Variants in PLBD1 observed in about 807,000 individuals in gnomAD.
PLBD1 encodes lysosomal leucine aminopeptidase.
In PLBD1, 60 loss-of-function variants were observed where a neutral mutation model predicts 63.0. The ratio of observed to expected loss-of-function variants is 0.95; its 90% CI spans 0.77 to 1.18. PLBD1 has a LOEUF of 1.18. Among genes scored for constraint, PLBD1 ranks in the 50% most tolerant of loss-of-function variants. The pLI is 0.00. For missense variants in PLBD1, 598 were observed against 677.9 expected, an observed-to-expected ratio of 0.88 and a Z score of 1.31; for synonymous variants, 262 against 248.0, an observed-to-expected ratio of 1.06 and a Z score of -0.53.
intron 1 of PLBD1, among the ~76,000 whole-genome samples, chr12:14,557,498 A>G (rs1945714981): frequency 6.6e-6 from 1 of 152,104 alleles, no homozygotes; most frequent in African/African-American, 2.4e-5. Flanking sequence ...GGATAAAATA[A>G]TGTGCTTTGC....
intron 2 of PLBD1, among the ~76,000 whole-genome samples, chr12:14,543,873 C>G (rs568694456): frequency 6.6e-6 from 1 of 152,068 alleles, no homozygotes; most frequent in Non-Finnish European, 1.5e-5. Context: ...GTTTAATAGA[C>G]GTCTTTGGGT....
chr12:14,522,541 G>C (rs1418083589), intron 6 of PLBD1, among the ~76,000 whole-genome samples: 1 of 151,972 alleles, frequency 6.6e-6, no homozygotes, highest in Non-Finnish European at 1.5e-5. Flanking sequence ...TCCAAAACCT[G>C]ATAAGGACAC....
At chr12:14,550,822 G>A (rs1249787193) in intron 2 of PLBD1, among the ~76,000 whole-genome samples, 2 of 150,842 alleles carry the variant, frequency 1.3e-5, no homozygotes, top group Admixed American at 1.3e-4. Context: ...AGGTTGCAGT[G>A]AACCGAGATC....
At chr12:14,560,534 G>C (rs1395083639) in intron 1 of PLBD1, among the ~76,000 whole-genome samples, 1 of 152,184 alleles carries the variant, frequency 6.6e-6, no homozygotes, top group Non-Finnish European at 1.5e-5. Context: ...TGCTCGGCTA[G>C]TCTCTCAGTA....
intron 6 of PLBD1, among the ~76,000 whole-genome samples, chr12:14,535,292 C>T (rs1418586250): frequency 2.0e-5 from 3 of 152,198 alleles, no homozygotes; most frequent in Non-Finnish European, 4.4e-5. Flanking sequence ...AGAAACACTA[C>T]ACGCCCTCAA....
In PLBD1 at chr12:14,562,435, G is replaced by A. The variant is rs375037756; in HGVS notation, c.115+5147C>T. Among the ~76,000 whole-genome samples the A allele has an allele frequency of 8.8e-5, 11 of 125,502 alleles. No individual in the cohort carries two copies. In the East Asian group the frequency reaches 2.7e-3, roughly 31 times the overall value. 82.3% of individuals were successfully genotyped at this position (125,502 alleles called of 152,430 possible). On this transcript the variant is annotated intron_variant, in intron 1 of 10. Coordinates refer to ENST00000240617, the MANE Select transcript of PLBD1 (RefSeq NM_024829.6). ...AGATTGCAGCACTGCGGTCCAGCCT[G>A]AGTGACAGAGTGAGACTCCCTCTCA...
chr12:14,540,106 T>TTTTTTATATATATATATATATATATA (rs71448876), intron 4 of PLBD1, among the ~76,000 whole-genome samples: 1 of 64,032 alleles, frequency 1.6e-5, no homozygotes, highest in Non-Finnish European at 2.8e-5. Flanking sequence ...AATATAAATA[T>TTTTTTATATATATATATATATATATA]TATTTATATA....
intron 2 of PLBD1, among the ~76,000 whole-genome samples, chr12:14,552,722 G>A (rs931884330): frequency 2.0e-5 from 3 of 152,214 alleles, no homozygotes; most frequent in Non-Finnish European, 2.9e-5. Flanking sequence ...GCAACATGGG[G>A]AGACCCTGTC....
intron 2 of PLBD1, among the ~76,000 whole-genome samples, chr12:14,544,348 A>G (rs1945599768): frequency 6.6e-6 from 1 of 152,006 alleles, no homozygotes; most frequent in African/African-American, 2.4e-5. Flanking sequence ...TAATTTTTGT[A>G]TTTTTAGTAG....
chr12:14,527,217 GTTTATGACCAGTTAT>G (rs1210364786), intron 6 of PLBD1, among the ~76,000 whole-genome samples: 2 of 151,696 alleles, frequency 1.3e-5, no homozygotes, highest in Non-Finnish European at 2.9e-5. Flanking sequence ...TTTTTTTTCA[GTTTATGACCAGTTAT>G]TTGTGAAGGA....
intron 2 of PLBD1, among the ~76,000 whole-genome samples, chr12:14,550,518 C>T (rs906595813): frequency 6.6e-6 from 1 of 152,094 alleles, no homozygotes; most frequent in African/African-American, 2.4e-5. Flanking sequence ...AATAGTATAG[C>T]GAGTGTCTTT....
chr12:14,548,457 CAAAAAAAAAAAAAAAA>C (rs56119793), intron 2 of PLBD1, among the ~76,000 whole-genome samples: 2 of 68,338 alleles, frequency 2.9e-5, no homozygotes, highest in Admixed American at 2.0e-4. Context: ...ACTCCATCTC[CAAAAAAAAAAAAAAAA>C]AAAAAAAAAG....
intron 6 of PLBD1, among the ~76,000 whole-genome samples, chr12:14,514,643 GATA>G (rs2076008842): frequency 6.6e-6 from 1 of 152,162 alleles, no homozygotes; most frequent in Admixed American, 6.5e-5. Flanking sequence ...TAGAGTTTAA[GATA>G]ATAAAGAAAA....
At chr12:14,558,049 CAAAAAAA>C (rs35613344) in intron 1 of PLBD1, among the ~76,000 whole-genome samples, 1 of 93,590 alleles carries the variant, frequency 1.1e-5, no homozygotes, top group Admixed American at 1.1e-4. Flanking sequence ...ACTACGTAGC[CAAAAAAA>C]AAAAAAAAAA....
chr12:14,540,106 T>TTTTATATA (rs71448876), intron 4 of PLBD1, among the ~76,000 whole-genome samples: 5,309 of 63,904 alleles, frequency 0.083, 802 homozygotes, highest in African/African-American at 0.14. Context: ...AATATAAATA[T>TTTTATATA]TATTTATATA....
At chr12:14,552,679 T>C (rs938667395) in intron 2 of PLBD1, among the ~76,000 whole-genome samples, 22 of 152,154 alleles carry the variant, frequency 1.4e-4, no homozygotes, top group African/African-American at 3.9e-4. Flanking sequence ...GATGGGAGGA[T>C]GGCTTGAGGT....
intron 6 of PLBD1, among the ~76,000 whole-genome samples, chr12:14,516,196 G>A (rs1315011676): frequency 2.0e-5 from 3 of 152,168 alleles, no homozygotes; most frequent in Admixed American, 6.5e-5. Flanking sequence ...GGGCACGGTG[G>A]CGCGCGCCTG....
intron 2 of PLBD1, among the ~76,000 whole-genome samples, chr12:14,548,781 G>A (rs111780400): frequency 0.027 from 4,171 of 152,226 alleles, 115 homozygotes; most frequent in African/African-American, 0.073. Context: ...TCAGTGCCAC[G>A]CACAAAGTAG....
Position 14,567,804 on chromosome 12 carries a change from G to A in PLBD1, c.-108C>T, listed in dbSNP as rs1259613700. On this transcript the variant is annotated 5_prime_UTR_variant, in exon 1 of 11. Transcript: ENST00000240617. ...GCCTACTCAGGGGCGCCGCCTCTCC[G>A]AGGTGGGGCGTCCTCAACTTTCCTC... 45 of 1,315,150 alleles carry A rather than the reference G, an allele frequency of 3.4e-5. No individual in the cohort carries two copies. Among genetic ancestry groups the A allele is most frequent in the Non-Finnish European group, 4.3e-5 (44 of 1,027,312 alleles). 81.5% of individuals were successfully genotyped at this position (1,315,150 alleles called of 1,614,324 possible). A position where few individuals can be genotyped will look rare whatever the true frequency, so the allele number is the denominator to read the frequency against.
Sources: gnomAD v4.1 joint callset for allele counts (sites outside exome capture counted in the v4.1 genomes callset) on GRCh38, gnomAD v4.1.1 for gene constraint, MANE v1.5 for transcripts, NCBI Gene and HGNC (gene_info 2026-07-23, HGNC 2026-07-21) for gene names.